The following CSMD1 variants were observed in gnomAD, a reference collection of about 807,000 sequenced individuals.
The protein encoded by CSMD1 is CUB and sushi domain-containing protein 1.
Under a neutral mutation model 417.5 loss-of-function variants are expected in CSMD1, and 213 were observed. That is an observed-to-expected ratio of 0.51 (90% CI 0.46 to 0.57). The LOEUF is 0.57. CSMD1 is among the 20% of genes least tolerant of loss of function. The pLI, the probability that CSMD1 is intolerant of heterozygous loss-of-function variation, is 0.00. For synonymous variants in CSMD1, 2,862 were observed against 1,736.8 expected (o/e 1.65, Z -16.11); for missense variants, 6,923 against 4,529.7 (o/e 1.53, Z -15.17).
intron 3 of CSMD1, among the ~76,000 whole-genome samples, chr8:4,319,129 A>C (rs1799112734): frequency 6.6e-6 from 1 of 152,200 alleles, no homozygotes; most frequent in Non-Finnish European, 1.5e-5. Context: ...TTTTAAAAGC[A>C]GATTAAATCA....
At chr8:4,126,132 A>G (rs1802750792) in intron 3 of CSMD1, among the ~76,000 whole-genome samples, 1 of 152,040 alleles carries the variant, frequency 6.6e-6, no homozygotes, top group South Asian at 2.1e-4. Flanking sequence ...TTTCATCTTC[A>G]ACCTGACCAG....
At chr8:3,537,928 T>C (rs1344824512) in intron 10 of CSMD1, among the ~76,000 whole-genome samples, 2 of 152,178 alleles carry the variant, frequency 1.3e-5, no homozygotes, top group Non-Finnish European at 1.5e-5. Flanking sequence ...GAATAATGAG[T>C]GTTTCTCCTA....
intron 7 of CSMD1, among the ~76,000 whole-genome samples, chr8:3,631,568 T>A (rs1322177934): frequency 6.6e-6 from 1 of 152,150 alleles, no homozygotes; most frequent in Non-Finnish European, 1.5e-5. Context: ...CAGTTTGAAA[T>A]GACGCTAAGA....
intron 2 of CSMD1, among the ~76,000 whole-genome samples, chr8:4,466,433 T>A (rs1255635525): frequency 6.0e-5 from 2 of 33,098 alleles, no homozygotes; most frequent in African/African-American, 1.7e-4. Flanking sequence ...GATATTGTCT[T>A]CAAATGAGTA....
At chr8:3,840,438 T>C (rs1313093537) in intron 5 of CSMD1, among the ~76,000 whole-genome samples, 1 of 152,170 alleles carries the variant, frequency 6.6e-6, no homozygotes, top group Non-Finnish European at 1.5e-5. Context: ...ATTGTGTTAG[T>C]AGCAAGAGTA....
chr8:4,381,794 T>C (rs541901657), intron 3 of CSMD1, among the ~76,000 whole-genome samples: 10 of 152,310 alleles, frequency 6.6e-5, no homozygotes, highest in Admixed American at 2.6e-4. Context: ...AGTTGACCTT[T>C]TTCTGCTGAT....
intron 3 of CSMD1, among the ~76,000 whole-genome samples, chr8:4,172,174 C>G (rs1403155935): frequency 6.6e-6 from 1 of 151,960 alleles, no homozygotes; most frequent in Non-Finnish European, 1.5e-5. Flanking sequence ...GTGTTTGTGC[C>G]TTTTAATGAG....
intron 1 of CSMD1, among the ~76,000 whole-genome samples, chr8:4,785,663 A>G (rs1390336020): frequency 6.6e-6 from 1 of 152,166 alleles, no homozygotes; most frequent in African/African-American, 2.4e-5. Flanking sequence ...TTTTAGAGAA[A>G]AATACAAACT....
chr8:4,029,995 C>T (rs916173637), intron 4 of CSMD1, among the ~76,000 whole-genome samples: 5 of 152,196 alleles, frequency 3.3e-5, no homozygotes, highest in African/African-American at 7.2e-5. Context: ...TTGTGTCTCA[C>T]ATCCAGGTCA....
intron 4 of CSMD1, among the ~76,000 whole-genome samples, chr8:4,028,652 G>A (rs1347820711): frequency 6.6e-6 from 1 of 152,132 alleles, no homozygotes; most frequent in East Asian, 1.9e-4. Flanking sequence ...CCAGACTTGT[G>A]TTTGGGTCAT....
At chr8:3,844,557 T>C (rs1055991228) in intron 5 of CSMD1, among the ~76,000 whole-genome samples, 1 of 152,118 alleles carries the variant, frequency 6.6e-6, no homozygotes, top group Non-Finnish European at 1.5e-5. Flanking sequence ...AAATTGGATT[T>C]TTAGGAAAGT....
intron 12 of CSMD1, among the ~76,000 whole-genome samples, chr8:3,457,889 C>A (rs1816258216): frequency 6.6e-6 from 1 of 152,124 alleles, no homozygotes; most frequent in Admixed American, 6.5e-5. Flanking sequence ...TCATGGAACA[C>A]ATGAGAAATG....
intron 3 of CSMD1, among the ~76,000 whole-genome samples, chr8:4,244,376 C>G (rs772050430): frequency 5.3e-5 from 8 of 152,060 alleles, no homozygotes; most frequent in African/African-American, 1.9e-4. Flanking sequence ...GACCTAGAAA[C>G]GGATGTTTTT....
At chr8:3,303,736 G>C (rs1804594231) in intron 25 of CSMD1, among the ~76,000 whole-genome samples, 2 of 152,300 alleles carry the variant, frequency 1.3e-5, no homozygotes, top group South Asian at 2.1e-4. Context: ...ATAAAGCAAA[G>C]CATGGCTGTG....
intron 7 of CSMD1, among the ~76,000 whole-genome samples, chr8:3,620,367 A>G (rs1394793712): frequency 6.6e-6 from 1 of 152,190 alleles, no homozygotes; most frequent in Non-Finnish European, 1.5e-5. Context: ...AGGTAAATAC[A>G]TGAAAATATA....
chr8:4,057,360 G>T (rs566615491), intron 3 of CSMD1, among the ~76,000 whole-genome samples: 1 of 151,648 alleles, frequency 6.6e-6, no homozygotes, highest in Non-Finnish European at 1.5e-5. Context: ...CATGTCCTTC[G>T]CCTACTTTTT....
chr8:4,572,325 C>A lies in CSMD1; in HGVS notation c.302+65017G>T, dbSNP rs115875825. ...AAGGCAGGCCTAGTGGTGACAAAAT[C>A]CCCCAGAATTTGCTTTTCTATGGAG... On this transcript the variant is annotated intron_variant, in intron 2 of 69. Coordinates refer to ENST00000635120, the MANE Select transcript of CSMD1 (RefSeq NM_033225.6). Among the ~76,000 whole-genome samples the A allele has an allele frequency of 4.5e-3, 688 of 152,280 alleles. 8 individuals carry two copies. Among genetic ancestry groups the A allele is most frequent in the African/African-American group, 0.016 (661 of 41,564 alleles).
chr8:3,685,689 A>T (rs1261602897), intron 7 of CSMD1, among the ~76,000 whole-genome samples: 1 of 152,020 alleles, frequency 6.6e-6, no homozygotes, highest in African/African-American at 2.4e-5. Context: ...AAAGAAAATC[A>T]ATGCAATTTC....
chr8:3,050,227 C>T (rs377521359), intron 50 of CSMD1, among the ~76,000 whole-genome samples: 1 of 151,656 alleles, frequency 6.6e-6, no homozygotes, highest in East Asian at 1.9e-4. Flanking sequence ...CAGTGCATAC[C>T]CAGTAGAGAA....
Sources: gnomAD v4.1 joint callset for allele counts (sites outside exome capture counted in the v4.1 genomes callset) on GRCh38, gnomAD v4.1.1 for gene constraint, MANE v1.5 for transcripts, NCBI Gene and HGNC (gene_info 2026-07-23, HGNC 2026-07-21) for gene names.